Variants in MARCHF2 observed in about 807,000 individuals in gnomAD.
MARCHF2 encodes membrane associated ring-CH-type finger 2, also known as E3 ubiquitin-protein ligase MARCHF2.
MARCHF2 carries 22 observed loss-of-function variants against 24.0 expected under a neutral mutation model. The observed-to-expected ratio is 0.92, with a 90% confidence interval of 0.66 to 1.31. MARCHF2 has a LOEUF of 1.31. Among genes scored for constraint, MARCHF2 ranks in the 50% most tolerant of loss-of-function variants. The pLI is 0.00. For missense variants in MARCHF2, 301 were observed against 335.3 expected (o/e 0.90, Z 0.80); for synonymous variants, 154 against 153.0 (o/e 1.01, Z -0.05).
chr19:8,414,488 C>T (rs974653302), intron 1 of MARCHF2, among the ~76,000 whole-genome samples: 5 of 152,088 alleles, frequency 3.3e-5, no homozygotes, highest in African/African-American at 1.2e-4. Flanking sequence ...AGGCTGGTCT[C>T]GAACTCCTGG....
rs369745765 is a variant in MARCHF2, at chr19:8,414,276, CT to C, written c.-53+868del. On this transcript the variant is annotated intron_variant, in intron 1 of 4. Coordinates refer to ENST00000215555, the MANE Select transcript of MARCHF2 (RefSeq NM_001005415.2). ...ACTACATATCATTATGACTCCCCGT[CT>C]TTTTTTTTTTTAGACAGAGTCTCTC... 1.6e-3 allele frequency among the ~76,000 whole-genome samples: 235 copies of C among 144,666 alleles called. 1 individual carries two copies. Among genetic ancestry groups the C allele is most frequent in the Middle Eastern group, 7.1e-3 (2 of 280 alleles). The allele number at this position is 144,666 out of a possible 152,430, so 94.9% of individuals were successfully genotyped here. A position where few individuals can be genotyped will look rare whatever the true frequency, so the allele number is the denominator to read the frequency against.
intron 1 of MARCHF2, among the ~76,000 whole-genome samples, chr19:8,415,865 A>G (rs1967074696): frequency 6.6e-6 from 1 of 151,936 alleles, no homozygotes; most frequent in Non-Finnish European, 1.5e-5. Context: ...TCCGACTTGC[A>G]GTCACCCTCT....
At chr19:8,422,636 GC>G (rs1967279940) in intron 2 of MARCHF2, among the ~76,000 whole-genome samples, 1 of 150,094 alleles carries the variant, frequency 6.7e-6, no homozygotes, top group Non-Finnish European at 1.5e-5. Flanking sequence ...CAGGTGATCT[GC>G]CCGTCTCGGC....
At chr19:8,426,120 A>G (rs1481190839) in intron 2 of MARCHF2, among the ~76,000 whole-genome samples, 1 of 150,602 alleles carries the variant, frequency 6.6e-6, no homozygotes, top group Non-Finnish European at 1.5e-5. Flanking sequence ...AGTTCCAGCT[A>G]CTCGGGAGGC....
intron 2 of MARCHF2, among the ~76,000 whole-genome samples, chr19:8,422,553 T>C (rs1967277680): frequency 6.6e-6 from 1 of 150,690 alleles, no homozygotes; most frequent in African/African-American, 2.5e-5. Flanking sequence ...TCACCACACC[T>C]GGCTAGTTTT....
chr19:8,428,649 CAAAAAAAAAAAAAAAAAAA>C (rs59542078), intron 3 of MARCHF2, among the ~76,000 whole-genome samples: 4 of 30,620 alleles, frequency 1.3e-4, no homozygotes, highest in Non-Finnish European at 1.6e-4. Context: ...GACTCTATCT[CAAAAAAAAAAAAAAAAAAA>C]AAAAAAAAAA....
chr19:8,425,079 TA>T (rs1351760497), intron 2 of MARCHF2, among the ~76,000 whole-genome samples: 1 of 151,762 alleles, frequency 6.6e-6, no homozygotes, highest in Non-Finnish European at 1.5e-5. Flanking sequence ...GATAAGTCTT[TA>T]AAAAAAATTT....
chr19:8,425,014 C>A (rs1466221066), intron 2 of MARCHF2, among the ~76,000 whole-genome samples: 2 of 152,034 alleles, frequency 1.3e-5, no homozygotes, highest in Non-Finnish European at 2.9e-5. Context: ...CACATGTGAT[C>A]CTCCTGCCTC....
chr19:8,428,412 C>T (rs142429042), intron 3 of MARCHF2, among the ~76,000 whole-genome samples: 1,670 of 151,566 alleles, frequency 0.011, 34 homozygotes, highest in African/African-American at 0.037. Flanking sequence ...TGCTTGAACC[C>T]GGGAGGCGGA....
Position 8,438,602 on chromosome 19 carries a change from T to C in MARCHF2, c.*56T>C. 1.9e-6 allele frequency: 3 copies of C among 1,571,278 alleles called. No homozygotes were observed. The highest frequency in any genetic ancestry group is 2.6e-6 in the Non-Finnish European group (3 of 1,154,582). ...AGGCCAGAGGTAGCTGGTGATACCC[T>C]GTCCTGTGGAAGGACTTCCACTTCA... On this transcript the variant is annotated 3_prime_UTR_variant, in exon 5 of 5. Transcript: ENST00000215555.
In MARCHF2 at chr19:8,430,732, A is replaced by G. The variant is rs1474178725; in HGVS notation, c.447A>G (p.Thr149=). 4 of 1,611,280 alleles carry G rather than the reference A, an allele frequency of 2.5e-6. No individual in the cohort carries two copies. Among genetic ancestry groups the G allele is most frequent in the Middle Eastern group, 1.7e-4 (1 of 5,780 alleles). The part of the protein sequence containing the change: ...CCDMVCFLFI[T]PLAAISGWLC... ...ACATGGTGTGTTTCCTGTTCATCAC[A>G]CCGCTGGCCGCCATCTCAGGCTGGT... The change falls in exon 4 of 5, where the codon ACA becomes ACG. Residue 149 remains threonine, a synonymous_variant. Coordinates refer to ENST00000215555, the MANE Select transcript of MARCHF2 (RefSeq NM_001005415.2). This position sits in a 1 kb window ranked among gnomAD's most constrained non-coding sequence, Gnocchi z 4.4.
chr19:8,427,741 C>G (rs780995112), intron 3 of MARCHF2: 5 of 150,270 alleles, frequency 3.3e-5, no homozygotes, highest in Non-Finnish European at 7.4e-5. Context: ...GCGGGCAGAT[C>G]ACTTGAGGTC....
intron 1 of MARCHF2, among the ~76,000 whole-genome samples, chr19:8,420,228 A>T (rs191782464): frequency 6.7e-6 from 1 of 150,148 alleles, no homozygotes; most frequent in African/African-American, 2.4e-5. Context: ...GGCCCCTGTA[A>T]TCCCAGCTAC....
At chr19:8,417,188 A>G (rs1306131316) in intron 1 of MARCHF2, among the ~76,000 whole-genome samples, 6 of 152,068 alleles carry the variant, frequency 3.9e-5, no homozygotes, top group Non-Finnish European at 7.4e-5. Flanking sequence ...TCAAGCCTGT[A>G]ATCCCAGCAC....
Position 8,434,729 on chromosome 19 carries a change from C to T in MARCHF2, c.583-3659C>T, listed in dbSNP as rs1045051810. ...TTATTTATTTATTTATTTATTTAGC[C>T]GGAGTCTCACTGTGTCGCCCAGGCC... On this transcript the variant is annotated intron_variant, in intron 4 of 4. Transcript: ENST00000215555. 3.9e-4 allele frequency among the ~76,000 whole-genome samples: 55 copies of T among 139,374 alleles called. 2 individuals carry two copies. In the South Asian group the frequency reaches 0.012, roughly 31 times the overall value. The allele number at this position is 139,374 out of a possible 152,430, so 91.4% of individuals were successfully genotyped here.
chr19:8,428,171 A>G (rs1023543950), intron 3 of MARCHF2, among the ~76,000 whole-genome samples: 1 of 152,146 alleles, frequency 6.6e-6, no homozygotes, highest in African/African-American at 2.4e-5. Context: ...GAGGCAGGAG[A>G]ATGGCCTGAA....
At chr19:8,435,051 G>T (rs575932445) in intron 4 of MARCHF2, among the ~76,000 whole-genome samples, 8 of 137,312 alleles carry the variant, frequency 5.8e-5, no homozygotes, top group African/African-American at 2.2e-4. Flanking sequence ...ACAGAGTCTC[G>T]CTCTGTCACC....
chr19:8,418,074 C>T (rs1417000288), intron 1 of MARCHF2, among the ~76,000 whole-genome samples: 1 of 151,748 alleles, frequency 6.6e-6, no homozygotes, highest in Non-Finnish European at 1.5e-5. Flanking sequence ...AAGACCCTGT[C>T]TTAAAAAAAA....
At position 8,433,528 on chromosome 19, in the gene MARCHF2, T is replaced by G. The variant is rs1250878124; in HGVS notation, c.582+2661T>G. Reference sequence around the variant, plus strand: ...CGTGTCTCTACTAAAAATACAAAATTAGCTGTGTGTGGTGGCACATGCCTG... The same window carrying G: ...CGTGTCTCTACTAAAAATACAAAATGAGCTGTGTGTGGTGGCACATGCCTG... On this transcript the variant is annotated intron_variant, in intron 4 of 4. Coordinates refer to ENST00000215555, the MANE Select transcript of MARCHF2 (RefSeq NM_001005415.2). 7.9e-5 allele frequency among the ~76,000 whole-genome samples: 12 copies of G among 151,010 alleles called. No individual in the cohort carries two copies. The East Asian group carries it at 2.3e-3, about 30-fold the overall frequency.
Sources: gnomAD v4.1 joint callset for allele counts (sites outside exome capture counted in the v4.1 genomes callset) on GRCh38, gnomAD v4.1.1 for gene constraint, Gnocchi (gnomAD v3.1) non-coding constraint, MANE v1.5 for transcripts, NCBI Gene and HGNC (gene_info 2026-07-23, HGNC 2026-07-21) for gene names.